Variants in BCR observed in about 807,000 individuals in gnomAD.
BCR encodes the protein breakpoint cluster region protein.
BCR carries 58 observed loss-of-function variants against 138.6 expected under a neutral mutation model. The ratio of observed to expected loss-of-function variants is 0.42; its 90% CI spans 0.34 to 0.52. The LOEUF (loss-of-function observed/expected upper bound fraction) is 0.52. Ranked by LOEUF, BCR falls within the 20% of genes least tolerant of loss-of-function variation. The pLI, the probability that BCR is intolerant of heterozygous loss-of-function variation, is 0.06. For synonymous variants in BCR, 786 were observed against 730.1 expected (o/e 1.08, Z -1.23); for missense variants, 1,599 against 1,727.2 (o/e 0.93, Z 1.32).
intron 12 of BCR, 76 bp downstream of exon 12, chr22:23,288,248 C>A: frequency 7.1e-7 from 1 of 1,413,204 alleles, no homozygotes; most frequent in Non-Finnish European, 1.0e-6. Flanking sequence ...TGGTTTTAAA[C>A]CTTCTTTTTT....
chr22:23,273,825 G>A (rs1485952695), intron 8 of BCR, 51 bp downstream of exon 8: 4 of 1,606,472 alleles, frequency 2.5e-6, no homozygotes, highest in Admixed American at 1.7e-5. Context: ...TGAGCTGGGG[G>A]CATGCAGGGC....
chr22:23,278,462 C>T (rs2073604784), intron 8 of BCR, among the ~76,000 whole-genome samples: 1 of 152,268 alleles, frequency 6.6e-6, no homozygotes, highest in African/African-American at 2.4e-5. Context: ...CATGGTGGCT[C>T]ACACCTGTAA....
chr22:23,292,589 A>G lies in BCR; in HGVS notation c.2831A>G (p.Lys944Arg), dbSNP rs1568977379. Reference sequence around the variant, plus strand: ...GATTCCTTTGGGTATTTTGTGAATAAAGCAAAGACGCGCGTCTACAGGGAC... The same window carrying G: ...GATTCCTTTGGGTATTTTGTGAATAGAGCAAAGACGCGCGTCTACAGGGAC... ...EVDSFGYFVNKAKTRVYRDTA... is the reference protein window; with the variant it reads ...EVDSFGYFVNRAKTRVYRDTA... The change falls in exon 15 of 23, where the codon AAA becomes AGA. Residue 944 changes from lysine (K) to arginine (R), a missense_variant. Lys to Arg is a conservative substitution (Grantham distance 26, BLOSUM62 2). Around this residue, in one of 4 missense-constraint regions of BCR, gnomAD observed 590 missense variants for 762.4 expected, o/e 0.77. Transcript: ENST00000305877. 1 of 1,613,608 alleles carries G rather than the reference A, an allele frequency of 6.2e-7. No individual in the cohort carries two copies. The highest frequency in any genetic ancestry group is 8.5e-7 in the Non-Finnish European group (1 of 1,179,772).
At chr22:23,298,271 G>A (rs980985856) in intron 16 of BCR, among the ~76,000 whole-genome samples, 22 of 152,140 alleles carry the variant, frequency 1.4e-4, no homozygotes, top group Non-Finnish European at 2.9e-4. Context: ...GATCTCCCCC[G>A]GGGGATGGCG....
At chr22:23,309,169 A>C (rs1018849333) in intron 16 of BCR, among the ~76,000 whole-genome samples, 1 of 151,518 alleles carries the variant, frequency 6.6e-6, no homozygotes, top group Non-Finnish European at 1.5e-5. Flanking sequence ...TCAGCTCCCA[A>C]CTGGGCGGGG....
In BCR at chr22:23,292,983, C is replaced by T. The variant is rs534767593; in HGVS notation, c.2880+345C>T. Among the ~76,000 whole-genome samples, 60 of 152,140 alleles carry T rather than the reference C, an allele frequency of 3.9e-4. 1 individual carries two copies. In the South Asian group the frequency reaches 0.011, roughly 28 times the overall value. On this transcript the variant is annotated intron_variant, in intron 15 of 22. Coordinates refer to ENST00000305877, the MANE Select transcript of BCR (RefSeq NM_004327.4). Reference sequence around the variant, plus strand: ...TTCCGCAGAAGTTGGAATGAGCTCCCGTGACCCTCTTGGCTTCCGGAAGCC... The same window carrying T: ...TTCCGCAGAAGTTGGAATGAGCTCCTGTGACCCTCTTGGCTTCCGGAAGCC...
intron 8 of BCR, among the ~76,000 whole-genome samples, chr22:23,275,529 A>T (rs1351365676): frequency 2.0e-5 from 3 of 152,218 alleles, no homozygotes; most frequent in Non-Finnish European, 4.4e-5. Context: ...GAGCAGTGCA[A>T]GTGTTCCCCA....
At chr22:23,259,406 C>T (rs2073331912) in intron 2 of BCR, among the ~76,000 whole-genome samples, 1 of 152,144 alleles carries the variant, frequency 6.6e-6, no homozygotes, top group South Asian at 2.1e-4. Flanking sequence ...ATGGCTCATG[C>T]CTGTAATCCC....
Position 23,199,855 on chromosome 22 carries a change from C to T in BCR, c.1279+17616C>T, listed in dbSNP as rs553998561. Among the ~76,000 whole-genome samples the T allele has an allele frequency of 1.2e-4, 18 of 152,224 alleles. No individual in the cohort carries two copies. The South Asian group carries it at 3.1e-3, about 26-fold the overall frequency. On this transcript the variant is annotated intron_variant, in intron 1 of 22. Transcript: ENST00000305877. ...CCTGTAATCCCAGCACTTTGGGAGG[C>T]CAAGGCGGGCAGATCATGAGGTCAA...
At position 23,180,878 on chromosome 22, in the gene BCR, G is replaced by C. The variant is rs1394669528; in HGVS notation, c.-83G>C. The C allele has an allele frequency of 9.1e-6, 7 of 767,810 alleles. No homozygotes were observed. The South Asian group carries it at 3.8e-4, about 42-fold the overall frequency. 47.6% of individuals were successfully genotyped at this position (767,810 alleles called of 1,614,324 possible). ...GGGCCATGGGGGCCGCCCGGCGCCCGGGGCCGGGCTGGCGAGGCGCCGCGC... is the reference window on the plus strand; with the variant it reads ...GGGCCATGGGGGCCGCCCGGCGCCCCGGGCCGGGCTGGCGAGGCGCCGCGC... On this transcript the variant is annotated 5_prime_UTR_variant, in exon 1 of 23. Transcript: ENST00000305877.
chr22:23,232,034 C>G (rs2072965111), intron 1 of BCR, among the ~76,000 whole-genome samples: 1 of 152,248 alleles, frequency 6.6e-6, no homozygotes, highest in South Asian at 2.1e-4. Flanking sequence ...AGCCCAGGGG[C>G]TTGCTCTCCA....
chr22:23,263,823 G>C, intron 4 of BCR: 1 of 1,189,986 alleles, frequency 8.4e-7, no homozygotes, highest in African/African-American at 1.5e-5. Context: ...AGGCCAGCTG[G>C]GGTAGTGTTT....
rs749979874 is a variant in BCR, at chr22:23,315,401, C to G, written c.3727-32C>G. On this transcript the variant is annotated intron_variant, in intron 22 of 22. Transcript: ENST00000305877. ...CAGCAGCTGTGAGCCCCGCTCTGAG[C>G]CACTCTTCTCTTCCCTACTCTGCCC... The G allele has an allele frequency of 3.1e-6, 5 of 1,604,220 alleles. No individual in the cohort carries two copies. The Admixed American group carries it at 6.7e-5, about 21-fold the overall frequency.
Position 23,181,354 on chromosome 22 carries a change from C to A in BCR, c.394C>A (p.Arg132Ser). ...SPGKARPGTA[R>S]RPGAAASGER... ...GGGTAAGGCCAGGCCCGGGACCGCC[C>A]GCAGGCCCGGGGCAGCCGCGTCGGG... The change falls in exon 1 of 23, where the codon CGC (arginine) becomes AGC (serine). Residue 132 changes from arginine (R) to serine (S), a missense_variant. Coordinates refer to ENST00000305877, the MANE Select transcript of BCR (RefSeq NM_004327.4). 1 of 1,507,440 alleles carries A rather than the reference C, an allele frequency of 6.6e-7. No homozygotes were observed. The highest frequency in any genetic ancestry group is 2.2e-5 in the Admixed American group (1 of 44,746). The allele number at this position is 1,507,440 out of a possible 1,614,324, so 93.4% of individuals were successfully genotyped here. A position where few individuals can be genotyped will look rare whatever the true frequency, so the allele number is the denominator to read the frequency against.
chr22:23,293,710 C>T lies in BCR; in HGVS notation c.2880+1072C>T, dbSNP rs548245027. ...CGGAAGCTCCGGGGAGGCATGAAGACATGAGGGTTAGATTGTAGCAGGTCA... is the reference window on the plus strand; with the variant it reads ...CGGAAGCTCCGGGGAGGCATGAAGATATGAGGGTTAGATTGTAGCAGGTCA... On this transcript the variant is annotated intron_variant, in intron 15 of 22. Transcript: ENST00000305877. Among the ~76,000 whole-genome samples the T allele has an allele frequency of 3.9e-5, 6 of 152,270 alleles. 1 individual carries two copies. Among genetic ancestry groups the T allele is most frequent in the African/African-American group, 1.4e-4 (6 of 41,546 alleles).
At chr22:23,311,315 A>T (rs2074004589) in intron 18 of BCR, among the ~76,000 whole-genome samples, 1 of 149,832 alleles carries the variant, frequency 6.7e-6, no homozygotes, top group Non-Finnish European at 1.5e-5. Context: ...TTCTCCTCTC[A>T]CACAGCACGT....
chr22:23,276,697 T>C, intron 8 of BCR, among the ~76,000 whole-genome samples: 1 of 152,228 alleles, frequency 6.6e-6, no homozygotes, highest in East Asian at 1.9e-4. Context: ...CTGCCATTCC[T>C]GGGGCAGATG....
rs568206592 is a variant in BCR, at chr22:23,294,814, T to G, written c.2881-210T>G. 3.6e-4 allele frequency among the ~76,000 whole-genome samples: 55 copies of G among 152,296 alleles called. 1 individual carries two copies. The South Asian group carries it at 0.011, about 30-fold the overall frequency. On this transcript the variant is annotated intron_variant, in intron 15 of 22. Transcript: ENST00000305877. ...AAGTTTGAAAGGCAGTCGGAGCTTC[T>G]GGAAGCATCCGGGCTGGGCCACGGT...
intron 8 of BCR, among the ~76,000 whole-genome samples, chr22:23,274,877 C>T (rs909377030): frequency 7.1e-6 from 1 of 141,602 alleles, no homozygotes; most frequent in African/African-American, 2.7e-5. Context: ...CACTGCACTC[C>T]AGCCTGGGTG....
Sources: allele counts gnomAD v4.1 joint callset (sites outside exome capture counted in the v4.1 genomes callset), GRCh38; gene constraint gnomAD v4.1.1; regional missense constraint gnomAD v4.1.1; transcripts MANE v1.5; gene names NCBI Gene and HGNC (gene_info 2026-07-23, HGNC 2026-07-21).